The following NRXN3 variants were observed in gnomAD, a reference collection of about 807,000 sequenced individuals.
NRXN3 encodes neurexin 3, also known as neurexin III.
In NRXN3, 32 loss-of-function variants were observed where a neutral mutation model predicts 137.6. The observed-to-expected ratio is 0.23, with a 90% CI of 0.18 to 0.31. The LOEUF is 0.31. Ranked by LOEUF, NRXN3 falls within the 10% of genes least tolerant of loss-of-function variation. The pLI is 1.00. For missense variants in NRXN3, 1,574 were observed against 2,062.5 expected, an observed-to-expected ratio of 0.76 and a Z score of 4.59; for synonymous variants, 798 against 784.5, an observed-to-expected ratio of 1.02 and a Z score of -0.29.
intron 4 of NRXN3, among the ~76,000 whole-genome samples, chr14:78,604,887 A>G (rs1373272903): frequency 6.6e-6 from 1 of 152,256 alleles, no homozygotes; most frequent in Non-Finnish European, 1.5e-5. Context: ...CTGTTTCAAT[A>G]ACTTTCTTAC....
chr14:79,181,556 CTA>C (rs1175493543), intron 15 of NRXN3, among the ~76,000 whole-genome samples: 1 of 151,776 alleles, frequency 6.6e-6, no homozygotes, highest in Non-Finnish European at 1.5e-5. Flanking sequence ...ATGAGGGTTC[CTA>C]TAATCCCAGC....
At chr14:79,328,612 A>G (rs1940351583) in intron 15 of NRXN3, among the ~76,000 whole-genome samples, 1 of 152,186 alleles carries the variant, frequency 6.6e-6, no homozygotes, top group African/African-American at 2.4e-5. Context: ...TTTGCTCTTC[A>G]GTGTCATTCT....
intron 18 of NRXN3, among the ~76,000 whole-genome samples, chr14:79,695,697 A>G (rs1295039482): frequency 6.6e-6 from 1 of 151,718 alleles, no homozygotes; most frequent in African/African-American, 2.4e-5. Context: ...GAACTCCAGC[A>G]TATTACTTAG....
intron 16 of NRXN3, among the ~76,000 whole-genome samples, chr14:79,575,088 T>G (rs2097651997): frequency 1.3e-5 from 2 of 152,212 alleles, no homozygotes; most frequent in South Asian, 4.1e-4. Context: ...GTTGAAGTCA[T>G]GTTTTGGAGT....
intron 15 of NRXN3, among the ~76,000 whole-genome samples, chr14:79,173,929 A>G (rs1368558232): frequency 1.3e-5 from 2 of 152,216 alleles, no homozygotes; most frequent in African/African-American, 4.8e-5. Context: ...CTAAGTTTGT[A>G]TCTTTTAAAA....
chr14:79,831,020 T>C (rs1044424952), intron 20 of NRXN3, among the ~76,000 whole-genome samples: 1 of 152,112 alleles, frequency 6.6e-6, no homozygotes, highest in Non-Finnish European at 1.5e-5. Flanking sequence ...CCAGTTCATT[T>C]CAGGAACGTG....
chr14:78,634,858 A>G (rs1042614125), intron 4 of NRXN3, among the ~76,000 whole-genome samples: 1 of 152,162 alleles, frequency 6.6e-6, no homozygotes, highest in African/African-American at 2.4e-5. Context: ...ATATATATAT[A>G]AATTAGTGGG....
At chr14:78,806,010 A>C (rs1415099699) in intron 9 of NRXN3, among the ~76,000 whole-genome samples, 3 of 151,194 alleles carry the variant, frequency 2.0e-5, no homozygotes, top group South Asian at 4.2e-4. Flanking sequence ...AACTCTAGTC[A>C]AAGTCTGAGA....
At chr14:78,455,816 A>C (rs1307377818) in intron 4 of NRXN3, among the ~76,000 whole-genome samples, 1 of 152,056 alleles carries the variant, frequency 6.6e-6, no homozygotes, top group African/African-American at 2.4e-5. Context: ...CCCAGAACTC[A>C]ATTTGTTGAG....
chr14:78,566,145 C>A (rs2096833574), intron 4 of NRXN3, among the ~76,000 whole-genome samples: 1 of 151,990 alleles, frequency 6.6e-6, no homozygotes, highest in Admixed American at 6.6e-5. Context: ...TGCCGGCTCT[C>A]CCACCCCGCC....
At chr14:78,275,730 A>C (rs922284059) in intron 2 of NRXN3, among the ~76,000 whole-genome samples, 3 of 152,056 alleles carry the variant, frequency 2.0e-5, no homozygotes, top group African/African-American at 7.2e-5. Context: ...CATGACTACT[A>C]CCCTTGGAGC....
intron 19 of NRXN3, among the ~76,000 whole-genome samples, chr14:79,790,716 G>A (rs2140283881): frequency 6.7e-6 from 1 of 149,638 alleles, no homozygotes; most frequent in South Asian, 2.1e-4. Flanking sequence ...CGCCTCCCAG[G>A]TTCAAGCGAT....
At chr14:78,179,995 G>A (rs1358639607) in intron 1 of NRXN3, among the ~76,000 whole-genome samples, 1 of 151,994 alleles carries the variant, frequency 6.6e-6, no homozygotes, top group Non-Finnish European at 1.5e-5. Flanking sequence ...ACAGGCATGT[G>A]CCACGACATC....
intron 20 of NRXN3, among the ~76,000 whole-genome samples, chr14:79,856,665 C>T (rs2099403380): frequency 6.6e-6 from 1 of 151,114 alleles, no homozygotes; most frequent in African/African-American, 2.4e-5. Context: ...CACTATCACC[C>T]ACAACATTCT....
At chr14:78,202,747 T>C (rs2061795021) in intron 1 of NRXN3, among the ~76,000 whole-genome samples, 1 of 152,156 alleles carries the variant, frequency 6.6e-6, no homozygotes, top group African/African-American at 2.4e-5. Context: ...GTCCCTGCCC[T>C]TTTCCAGGGA....
intron 15 of NRXN3, among the ~76,000 whole-genome samples, chr14:79,167,069 A>G (rs2061347683): frequency 1.3e-5 from 2 of 151,960 alleles, no homozygotes; most frequent in South Asian, 4.2e-4. Flanking sequence ...TCAGCACTAG[A>G]TTATTACATT....
At chr14:78,704,950 TC>T (rs546521168) in intron 6 of NRXN3, among the ~76,000 whole-genome samples, 32 of 152,330 alleles carry the variant, frequency 2.1e-4, no homozygotes, top group African/African-American at 7.0e-4. Flanking sequence ...TATATTTTTT[TC>T]CTGAGAGACT....
chr14:78,361,128 G>A (rs775570306), intron 4 of NRXN3, among the ~76,000 whole-genome samples: 2 of 152,144 alleles, frequency 1.3e-5, no homozygotes, highest in African/African-American at 2.4e-5. Context: ...AACTGTAACT[G>A]AATCTTAGCC....
chr14:79,008,565 C>A (rs2099560449), intron 15 of NRXN3, among the ~76,000 whole-genome samples: 3 of 150,460 alleles, frequency 2.0e-5, no homozygotes, highest in Admixed American at 6.6e-5. Flanking sequence ...TCTCTCCCTG[C>A]AAAAAAAATA....
Sources: allele counts gnomAD v4.1 joint callset (sites outside exome capture counted in the v4.1 genomes callset), GRCh38; gene constraint gnomAD v4.1.1; transcripts MANE v1.5; gene names NCBI Gene and HGNC (gene_info 2026-07-23, HGNC 2026-07-21).